RNF19A: variants seen among roughly 807,000 people sequenced by gnomAD.
RNF19A encodes E3 ubiquitin-protein ligase RNF19A.
In RNF19A, 32 loss-of-function variants were observed where a neutral mutation model predicts 75.7. The ratio of observed to expected loss-of-function variants is 0.42; its 90% CI spans 0.32 to 0.57. RNF19A has a LOEUF of 0.57. Ranked by LOEUF, RNF19A falls within the 20% of genes least tolerant of loss-of-function variation. The pLI, the probability that RNF19A is intolerant of heterozygous loss-of-function variation, is 0.10. For missense variants in RNF19A, 782 were observed against 1,036.3 expected (o/e 0.75, Z 3.37); for synonymous variants, 335 against 345.2 (o/e 0.97, Z 0.33).
Position 100,322,727 on chromosome 8 carries a change from A to G in RNF19A, c.-242-9355T>C, listed in dbSNP as rs1359184578. ...ATGCAACTCTTCCTTTCACCTGAAC[A>G]CTTAGATGTCATTGTAGGGTTACTA... On this transcript the variant is annotated intron_variant, in intron 1 of 3. Transcript: ENST00000519527. This position sits in a 1 kb window ranked among gnomAD's most constrained non-coding sequence, Gnocchi z 5.1. 6.6e-6 allele frequency among the ~76,000 whole-genome samples: 1 copy of G among 152,220 alleles called. No individual in the cohort carries two copies. The highest frequency in any genetic ancestry group is 1.9e-4 in the East Asian group (1 of 5,202).
At chr8:100,283,629 T>G (rs972583910) in intron 2 of RNF19A, among the ~76,000 whole-genome samples, 5 of 152,170 alleles carry the variant, frequency 3.3e-5, no homozygotes, top group African/African-American at 1.2e-4. Flanking sequence ...CCAGGTCAGG[T>G]AGAACTCTTT....
At position 100,319,463 on chromosome 8, in the gene RNF19A, C is replaced by G. The variant is rs148964920; in HGVS notation, c.-242-6091G>C. On this transcript the variant is annotated intron_variant, in intron 1 of 3. Transcript: ENST00000519527. ...AGTTGAGGCCTACTTTGCACCTTCC[C>G]CTAGTGCACCATTCCTTTCTTCCCT... is the stretch of plus-strand genomic sequence containing the variant. Among the ~76,000 whole-genome samples, 7 of 151,974 alleles carry G rather than the reference C, an allele frequency of 4.6e-5. 1 individual carries two copies. Among genetic ancestry groups the G allele is most frequent in the African/African-American group, 1.7e-4 (7 of 41,420 alleles).
intron 1 of RNF19A, among the ~76,000 whole-genome samples, chr8:100,294,673 G>A (rs1025376826): frequency 1.3e-5 from 2 of 152,060 alleles, no homozygotes; most frequent in Non-Finnish European, 2.9e-5. Context: ...TAGGGGGAAA[G>A]ATGTATAAAT....
chr8:100,313,415 G>C, upstream of RNF19A: 1 of 560,748 alleles, frequency 1.8e-6, no homozygotes, highest in Non-Finnish European at 2.3e-6. Flanking sequence ...AGGTGGGGAA[G>C]ACGGAGGAAC....
rs556214797 is a variant in RNF19A, at chr8:100,282,965, C to A, written c.674+4536G>T. Among the ~76,000 whole-genome samples, 5 of 152,204 alleles carry A rather than the reference C, an allele frequency of 3.3e-5. No homozygotes were observed. The East Asian group carries it at 7.7e-4, about 24-fold the overall frequency. ...GCCAATTATAGTTGATCACATTACC[C>A]AAATGTATATGAGTTATGTTAGTAG... On this transcript the variant is annotated intron_variant, in intron 2 of 9. Transcript: ENST00000341084.
chr8:100,326,161 C>T (rs1349675713), intron 1 of RNF19A, among the ~76,000 whole-genome samples: 1 of 152,140 alleles, frequency 6.6e-6, no homozygotes, highest in African/African-American at 2.4e-5. Context: ...CCCTCACATG[C>T]ATACGAAACT....
upstream of RNF19A, among the ~76,000 whole-genome samples, chr8:100,311,251 A>G (rs1822286189): frequency 6.6e-6 from 1 of 152,200 alleles, no homozygotes; most frequent in Admixed American, 6.5e-5. Flanking sequence ...CTCGAATCTT[A>G]AAGGAAGTAA....
intron 1 of RNF19A, among the ~76,000 whole-genome samples, 198 bp from the exon 2 acceptor site, chr8:100,288,465 T>C (rs1449648924): frequency 1.3e-5 from 2 of 152,164 alleles, no homozygotes; most frequent in African/African-American, 4.8e-5. Flanking sequence ...CATTCTTTAA[T>C]CTTAATAAAA....
chr8:100,289,507 G>A (rs551222751), intron 1 of RNF19A, among the ~76,000 whole-genome samples: 2 of 152,244 alleles, frequency 1.3e-5, no homozygotes, highest in Admixed American at 6.5e-5. Context: ...AAAACGGGCA[G>A]GGGACTTAAC....
chr8:100,262,269 T>C (rs902199301), intron 7 of RNF19A, among the ~76,000 whole-genome samples: 1 of 152,132 alleles, frequency 6.6e-6, no homozygotes, highest in Non-Finnish European at 1.5e-5. Flanking sequence ...ACAAATGCTA[T>C]GAGGAAAAAT....
chr8:100,263,948 A>C (rs1335463332), intron 7 of RNF19A, 86 bp downstream of exon 7: 9 of 1,141,984 alleles, frequency 7.9e-6, no homozygotes, highest in Non-Finnish European at 1.1e-5. Context: ...ATGGCAATGG[A>C]AATTCTGAGT....
At chr8:100,291,201 A>G (rs1200555844) in intron 1 of RNF19A, among the ~76,000 whole-genome samples, 1 of 152,206 alleles carries the variant, frequency 6.6e-6, no homozygotes, top group Non-Finnish European at 1.5e-5. Context: ...ACTCACCTCA[A>G]ATAGATGTTC....
intron 1 of RNF19A, among the ~76,000 whole-genome samples, chr8:100,334,560 A>C (rs1822651278): frequency 6.6e-6 from 1 of 152,206 alleles, no homozygotes; most frequent in Non-Finnish European, 1.5e-5. Context: ...AGCTTTAAAA[A>C]ATATGGCTGC....
At chr8:100,297,853 G>T (rs1468447127) in intron 1 of RNF19A, among the ~76,000 whole-genome samples, 2 of 152,114 alleles carry the variant, frequency 1.3e-5, no homozygotes, top group South Asian at 4.1e-4. Context: ...GCTTAGCTTG[G>T]GGGGAAAGGT....
chr8:100,270,063 A>G lies in RNF19A; in HGVS notation c.884-50T>C, dbSNP rs756380034. ...TTAAGTACATAAAACTGGTCTAAAA[A>G]TAACTTCTAGCAGTTTACCAATTGT... On this transcript the variant is annotated intron_variant, in intron 3 of 9. Coordinates refer to ENST00000341084, the MANE Select transcript of RNF19A (RefSeq NM_183419.4). 4 of 1,420,280 alleles carry G rather than the reference A, an allele frequency of 2.8e-6. No homozygotes were observed. The African/African-American group carries it at 4.4e-5, about 16-fold the overall frequency. The allele number at this position is 1,420,280 out of a possible 1,614,324, so 88.0% of individuals were successfully genotyped here.
At position 100,324,660 on chromosome 8, in the gene RNF19A, C is replaced by T. The variant is rs1389043289; in HGVS notation, c.-242-11288G>A. On this transcript the variant is annotated intron_variant, in intron 1 of 3. Coordinates refer to the RNF19A transcript ENST00000519527. This position sits in a 1 kb window ranked among gnomAD's most constrained non-coding sequence, Gnocchi z 4.2. ...TTTTTCACAAACGAAGAATTTCCAA[C>T]CTGAGAAACCTAAATATGAATCTAC... Among the ~76,000 whole-genome samples the T allele has an allele frequency of 1.3e-5, 2 of 152,048 alleles. No homozygotes were observed. The highest frequency in any genetic ancestry group is 2.9e-5 in the Non-Finnish European group (2 of 68,018).
intron 1 of RNF19A, among the ~76,000 whole-genome samples, chr8:100,293,704 C>G (rs780106006): frequency 6.6e-6 from 1 of 152,204 alleles, no homozygotes; most frequent in Non-Finnish European, 1.5e-5. Context: ...CTGTCTCTCT[C>G]TCTCTTCCCA....
intron 5 of RNF19A, among the ~76,000 whole-genome samples, chr8:100,266,204 G>A (rs1819965059): frequency 6.6e-6 from 1 of 152,116 alleles, no homozygotes; most frequent in African/African-American, 2.4e-5. Context: ...GTACTTTATT[G>A]ACTTAGCAGG....
Position 100,288,726 on chromosome 8 carries a change from G to A in RNF19A, c.-93-459C>T, listed in dbSNP as rs117128128. The stretch of plus-strand genomic sequence containing the variant: ...TTAACATAGTGTGCTATGCCACAAG[G>A]ATGAATACAAAGACCAGTGGAACAA... On this transcript the variant is annotated intron_variant, in intron 1 of 9. Coordinates refer to ENST00000341084, the MANE Select transcript of RNF19A (RefSeq NM_183419.4). 7.9e-3 allele frequency among the ~76,000 whole-genome samples: 1,208 copies of A among 152,256 alleles called. 8 individuals are homozygous for A. Among genetic ancestry groups the A allele is most frequent in the Non-Finnish European group, 0.011 (765 of 68,014 alleles).
Sources: gnomAD v4.1 joint callset for allele counts (sites outside exome capture counted in the v4.1 genomes callset) on GRCh38, gnomAD v4.1.1 for gene constraint, Gnocchi (gnomAD v3.1) non-coding constraint, MANE v1.5 for transcripts, NCBI Gene and HGNC (gene_info 2026-07-23, HGNC 2026-07-21) for gene names.